Variants in LHFPL6 observed in about 807,000 individuals in gnomAD.
The protein encoded by LHFPL6 is LHFPL tetraspan subfamily member 6.
In LHFPL6, 9 loss-of-function variants were observed where a neutral mutation model predicts 20.6. The observed-to-expected ratio is 0.44, with a 90% confidence interval of 0.26 to 0.76. The LOEUF is 0.76. Ranked by LOEUF, LHFPL6 falls within the 30% of genes least tolerant of loss-of-function variation. LHFPL6 has a pLI of 0.20. For synonymous variants in LHFPL6, 105 were observed against 98.7 expected (o/e 1.06, Z -0.38); for missense variants, 218 against 253.5 (o/e 0.86, Z 0.95).
intron 2 of LHFPL6, among the ~76,000 whole-genome samples, chr13:39,445,261 C>T (rs1872255747): frequency 2.0e-5 from 3 of 152,218 alleles, no homozygotes; most frequent in South Asian, 4.1e-4. Context: ...AGTCCCTTTA[C>T]CTTGATAACT....
intron 2 of LHFPL6, among the ~76,000 whole-genome samples, chr13:39,442,465 T>A (rs769207288): frequency 6.6e-6 from 1 of 152,150 alleles, no homozygotes; most frequent in Non-Finnish European, 1.5e-5. Flanking sequence ...AATATCACTA[T>A]AATCAAAACT....
At chr13:39,553,071 G>A (rs545636912) in intron 2 of LHFPL6, among the ~76,000 whole-genome samples, 80 of 152,292 alleles carry the variant, frequency 5.3e-4, no homozygotes, top group African/African-American at 1.8e-3. Flanking sequence ...CAGGAACCCT[G>A]CAAAGAGCAA....
chr13:39,395,794 C>T (rs528057678), intron 2 of LHFPL6, among the ~76,000 whole-genome samples: 6 of 152,144 alleles, frequency 3.9e-5, no homozygotes, highest in South Asian at 2.1e-4. Flanking sequence ...TCTCCATGGA[C>T]GTTAACATTT....
At chr13:39,373,370 C>T (rs1168348907) in intron 3 of LHFPL6, among the ~76,000 whole-genome samples, 4 of 152,148 alleles carry the variant, frequency 2.6e-5, no homozygotes, top group Non-Finnish European at 5.9e-5. Context: ...TGTGGCCTCT[C>T]CCTTAGGCAT....
At chr13:39,525,078 C>T (rs1436561291) in intron 2 of LHFPL6, among the ~76,000 whole-genome samples, 1 of 152,130 alleles carries the variant, frequency 6.6e-6, no homozygotes, top group African/African-American at 2.4e-5. Context: ...TTGAGGGCCA[C>T]CTATGATAAA....
At chr13:39,391,164 G>T (rs139677102) in intron 2 of LHFPL6, among the ~76,000 whole-genome samples, 199 of 152,244 alleles carry the variant, frequency 1.3e-3, no homozygotes, top group African/African-American at 4.6e-3. Context: ...CTTATCCCTA[G>T]CTTGCAAACA....
At chr13:39,384,733 A>G (rs927303760) in intron 2 of LHFPL6, among the ~76,000 whole-genome samples, 2 of 152,220 alleles carry the variant, frequency 1.3e-5, no homozygotes, top group Non-Finnish European at 2.9e-5. Context: ...GCTCAATTAG[A>G]ATCTCTAGCT....
At chr13:39,378,630 C>A (rs1870358688) in intron 2 of LHFPL6, 104 bp from the exon 3 acceptor site, 1 of 763,292 alleles carries the variant, frequency 1.3e-6, no homozygotes, top group South Asian at 1.9e-5. Context: ...ATAGCGTCTG[C>A]TTTTTAGACA....
chr13:39,449,267 T>A (rs573873750), intron 2 of LHFPL6, among the ~76,000 whole-genome samples: 2 of 152,242 alleles, frequency 1.3e-5, no homozygotes, highest in Non-Finnish European at 1.5e-5. Context: ...AAAATGTACT[T>A]AAATGGCAAA....
At chr13:39,562,026 T>C (rs1357993657) in intron 2 of LHFPL6, among the ~76,000 whole-genome samples, 1 of 152,166 alleles carries the variant, frequency 6.6e-6, no homozygotes, top group Non-Finnish European at 1.5e-5. Flanking sequence ...TCTTTTCATT[T>C]CTCTAAACTA....
intron 2 of LHFPL6, among the ~76,000 whole-genome samples, chr13:39,562,601 CATAT>C (rs61440390): frequency 4.0e-4 from 39 of 96,900 alleles, no homozygotes; most frequent in East Asian, 6.6e-4. Flanking sequence ...CATATATACA[CATAT>C]ACATATATAC....
chr13:39,372,608 A>T (rs1285105310), intron 3 of LHFPL6, among the ~76,000 whole-genome samples: 7 of 152,264 alleles, frequency 4.6e-5, no homozygotes, highest in African/African-American at 1.7e-4. Flanking sequence ...AGATTGCTTC[A>T]GAGCGCTGCA....
intron 2 of LHFPL6, among the ~76,000 whole-genome samples, chr13:39,395,983 T>C (rs1870830184): frequency 6.6e-6 from 1 of 152,246 alleles, no homozygotes; most frequent in Non-Finnish European, 1.5e-5. Flanking sequence ...ATAAACAGAC[T>C]ATTTTCACAA....
intron 2 of LHFPL6, among the ~76,000 whole-genome samples, chr13:39,525,148 C>A (rs1000907227): frequency 3.3e-5 from 5 of 152,170 alleles, no homozygotes; most frequent in Non-Finnish European, 7.4e-5. Context: ...AGTCCACGGG[C>A]AGAAGGTGGC....
At chr13:39,484,652 C>T (rs145414291) in intron 2 of LHFPL6, among the ~76,000 whole-genome samples, 518 of 152,260 alleles carry the variant, frequency 3.4e-3, no homozygotes, top group Middle Eastern at 0.02. Context: ...CAAGCATCTA[C>T]GCAGGAGGCT....
chr13:39,582,137 T>C (rs1016798136), intron 2 of LHFPL6, among the ~76,000 whole-genome samples: 3 of 152,140 alleles, frequency 2.0e-5, no homozygotes, highest in African/African-American at 7.2e-5. Context: ...AGGCCTCCTG[T>C]AGACACATCA....
At chr13:39,365,038 A>G (rs752114245) in intron 3 of LHFPL6, among the ~76,000 whole-genome samples, 2 of 152,196 alleles carry the variant, frequency 1.3e-5, no homozygotes, top group Non-Finnish European at 2.9e-5. Flanking sequence ...TAAGATAACC[A>G]ATCAGGCTTT....
chr13:39,583,286 C>G lies in LHFPL6; in HGVS notation c.385+17546G>C, dbSNP rs147658417. On this transcript the variant is annotated intron_variant, in intron 2 of 3. Transcript: ENST00000379589. Reference sequence around the variant, plus strand: ...CTCCCAGGCTCAAGTGATCCTCCCCCCTCAGCCCCCTGAGTAGCTGGGATC... The same window carrying G: ...CTCCCAGGCTCAAGTGATCCTCCCCGCTCAGCCCCCTGAGTAGCTGGGATC... Among the ~76,000 whole-genome samples the G allele has an allele frequency of 2.5e-3, 377 of 151,962 alleles. 4 individuals carry two copies. The highest frequency in any genetic ancestry group is 8.6e-3 in the African/African-American group (357 of 41,408).
At chr13:39,437,792 C>T (rs112516903) in intron 2 of LHFPL6, among the ~76,000 whole-genome samples, 2,996 of 151,670 alleles carry the variant, frequency 0.02, 50 homozygotes, top group Middle Eastern at 0.041. Flanking sequence ...GTCCCAGCTA[C>T]TTGGGAGGCC....
Sources: allele counts gnomAD v4.1 joint callset (sites outside exome capture counted in the v4.1 genomes callset), GRCh38; gene constraint gnomAD v4.1.1; transcripts MANE v1.5; gene names NCBI Gene and HGNC (gene_info 2026-07-23, HGNC 2026-07-21).